Variants in RAB3C observed in about 807,000 individuals in gnomAD.
The protein encoded by RAB3C is ras-related protein Rab-3C.
RAB3C carries 17 observed loss-of-function variants against 26.4 expected under a neutral mutation model. That is an observed-to-expected ratio of 0.64 (90% CI 0.44 to 0.97). The LOEUF (loss-of-function observed/expected upper bound fraction) is 0.97. Ranked by LOEUF, RAB3C falls within the 50% of genes least tolerant of loss-of-function variation. The pLI, the probability that RAB3C is intolerant of heterozygous loss-of-function variation, is 0.00. For missense variants in RAB3C, 242 were observed against 281.9 expected, an observed-to-expected ratio of 0.86 and a Z score of 1.01; for synonymous variants, 91 against 95.9, an observed-to-expected ratio of 0.95 and a Z score of 0.30.
chr5:58,734,289 C>T (rs1741089196), intron 3 of RAB3C, among the ~76,000 whole-genome samples: 1 of 152,002 alleles, frequency 6.6e-6, no homozygotes, highest in Non-Finnish European at 1.5e-5. Context: ...TGAAAGTTAG[C>T]CTGCCAATAA....
At chr5:58,641,018 A>C (rs1398241960) in intron 2 of RAB3C, among the ~76,000 whole-genome samples, 1 of 152,216 alleles carries the variant, frequency 6.6e-6, no homozygotes, top group Non-Finnish European at 1.5e-5. Context: ...ACCATCCTGG[A>C]GCCATGTTCA....
intron 2 of RAB3C, among the ~76,000 whole-genome samples, chr5:58,687,790 T>A (rs530873239): frequency 6.6e-6 from 1 of 152,140 alleles, no homozygotes; most frequent in African/African-American, 2.4e-5. Flanking sequence ...AGAAATAATA[T>A]GACTCAGCAT....
At chr5:58,606,446 C>T (rs1221383943) in intron 1 of RAB3C, among the ~76,000 whole-genome samples, 1 of 152,214 alleles carries the variant, frequency 6.6e-6, no homozygotes, top group Non-Finnish European at 1.5e-5. Flanking sequence ...CCTCTATAGA[C>T]TCCCCCTCTG....
intron 2 of RAB3C, among the ~76,000 whole-genome samples, chr5:58,663,653 G>T (rs1162263107): frequency 6.6e-6 from 1 of 151,920 alleles, no homozygotes; most frequent in Non-Finnish European, 1.5e-5. Context: ...GGCCAATAAG[G>T]GTAAGAAAAG....
chr5:58,683,096 G>A (rs900545188), intron 2 of RAB3C, among the ~76,000 whole-genome samples: 2 of 152,088 alleles, frequency 1.3e-5, no homozygotes, highest in Non-Finnish European at 1.5e-5. Flanking sequence ...ATTTCTCTCT[G>A]TTCTCAGGGC....
intron 3 of RAB3C, among the ~76,000 whole-genome samples, chr5:58,741,100 T>C (rs1741263787): frequency 1.3e-5 from 2 of 152,100 alleles, no homozygotes; most frequent in Admixed American, 6.6e-5. Flanking sequence ...AAAAAACATA[T>C]ACAAATTAGA....
At chr5:58,607,213 C>G (rs991395561) in intron 1 of RAB3C, among the ~76,000 whole-genome samples, 1 of 152,020 alleles carries the variant, frequency 6.6e-6, no homozygotes, top group African/African-American at 2.4e-5. Context: ...TAGAAAGGAC[C>G]TTAAGTGACT....
intron 2 of RAB3C, among the ~76,000 whole-genome samples, chr5:58,628,020 G>C (rs1018335041): frequency 1.7e-4 from 26 of 152,062 alleles, no homozygotes; most frequent in Non-Finnish European, 2.9e-4. Flanking sequence ...AGCTGGGCGT[G>C]GTGGCAGGCG....
At chr5:58,736,759 G>C (rs527745721) in intron 3 of RAB3C, among the ~76,000 whole-genome samples, 1 of 152,084 alleles carries the variant, frequency 6.6e-6, no homozygotes, top group Admixed American at 6.5e-5. Flanking sequence ...ATAAGGTCAC[G>C]TTCACCGGTC....
At chr5:58,582,153 C>G (rs977901715), upstream of RAB3C, 1 of 152,972 alleles carries the variant, frequency 6.5e-6, no homozygotes, top group African/African-American at 2.4e-5. Flanking sequence ...GCCCCTGGCA[C>G]TTCCTAAGAG....
At chr5:58,766,998 C>G (rs915841879) in intron 3 of RAB3C, among the ~76,000 whole-genome samples, 1 of 147,396 alleles carries the variant, frequency 6.8e-6, no homozygotes, top group East Asian at 2.0e-4. Context: ...AGTGTATACC[C>G]ACATAGTCAT....
intron 3 of RAB3C, among the ~76,000 whole-genome samples, chr5:58,769,300 A>G (rs989837242): frequency 2.0e-5 from 3 of 152,082 alleles, no homozygotes; most frequent in Admixed American, 6.6e-5. Flanking sequence ...TAGATATTTG[A>G]GTATGTAGTT....
chr5:58,589,257 A>G (rs1018716510), intron 1 of RAB3C, among the ~76,000 whole-genome samples: 8 of 152,108 alleles, frequency 5.3e-5, no homozygotes, highest in Admixed American at 5.2e-4. Flanking sequence ...CATTCCTTAG[A>G]TAAACCCTAT....
At position 58,734,261 on chromosome 5, in the gene RAB3C, G is replaced by T. The variant is rs148550948; in HGVS notation, c.371+8141G>T. ...AACTACATAGTGGTCTTAAATTAAG[G>T]TTACTTCATGTTAAACATGAAAGTT... On this transcript the variant is annotated intron_variant, in intron 3 of 4. Transcript: ENST00000282878. Among the ~76,000 whole-genome samples, 71 of 151,872 alleles carry T rather than the reference G, an allele frequency of 4.7e-4. 1 individual carries two copies. In the East Asian group the frequency reaches 0.013, roughly 29 times the overall value.
At position 58,715,555 on chromosome 5, in the gene RAB3C, A is replaced by C. The variant is rs1042643407; in HGVS notation, c.253-10447A>C. ...TAAAGATTTTAAGTGCCGGTGACAC[A>C]GTAGATTTTGGAGAATTTCATTGAC... On this transcript the variant is annotated intron_variant, in intron 2 of 4. Coordinates refer to ENST00000282878, the MANE Select transcript of RAB3C (RefSeq NM_138453.4). 2.0e-5 allele frequency among the ~76,000 whole-genome samples: 3 copies of C among 152,148 alleles called. No homozygotes were observed. The South Asian group carries it at 6.2e-4, about 32-fold the overall frequency.
chr5:58,614,758 C>T (rs985334422), intron 1 of RAB3C, among the ~76,000 whole-genome samples: 4 of 152,062 alleles, frequency 2.6e-5, no homozygotes, highest in African/African-American at 9.7e-5. Context: ...TTAGTGATAT[C>T]TATATAGTTC....
intron 3 of RAB3C, among the ~76,000 whole-genome samples, chr5:58,754,468 G>A (rs561537594): frequency 1.3e-5 from 2 of 152,066 alleles, no homozygotes; most frequent in South Asian, 2.1e-4. Context: ...CAAGGTCAGC[G>A]TCATACTCAG....
rs1746296845 is a variant in RAB3C, at chr5:58,596,982, T to C, written c.24+13750T>C. Among the ~76,000 whole-genome samples, 3 of 92,104 alleles carry C rather than the reference T, an allele frequency of 3.3e-5. No homozygotes were observed. In the South Asian group the frequency reaches 1.1e-3, roughly 33 times the overall value. The allele number at this position is 92,104 out of a possible 152,430, so 60.4% of individuals were successfully genotyped here. A position where few individuals can be genotyped will look rare whatever the true frequency, so the allele number is the denominator to read the frequency against. The stretch of plus-strand genomic sequence containing the variant: ...TAATATATTACATATAAACATATAA[T>C]AATATATAATGCATAATATAATATA... On this transcript the variant is annotated intron_variant, in intron 1 of 4. Transcript: ENST00000282878.
intron 2 of RAB3C, among the ~76,000 whole-genome samples, chr5:58,703,036 A>G (rs1219826399): frequency 6.6e-6 from 1 of 152,216 alleles, no homozygotes; most frequent in Non-Finnish European, 1.5e-5. Context: ...TATAGTAATT[A>G]AAGATGACTT....
Sources: gnomAD v4.1 joint callset for allele counts (sites outside exome capture counted in the v4.1 genomes callset) on GRCh38, gnomAD v4.1.1 for gene constraint, MANE v1.5 for transcripts, NCBI Gene and HGNC (gene_info 2026-07-23, HGNC 2026-07-21) for gene names.